Variants in CEP112 observed in about 807,000 individuals in gnomAD.
The protein encoded by CEP112 is centrosomal protein of 112 kDa.
Under a neutral mutation model 153.0 loss-of-function variants are expected in CEP112, and 127 were observed. The observed-to-expected ratio is 0.83, with a 90% CI of 0.72 to 0.96. The LOEUF is 0.96. Among genes scored for constraint, CEP112 ranks in the 40% least tolerant of loss-of-function variants. CEP112 has a pLI of 0.00. For synonymous variants in CEP112, 358 were observed against 374.4 expected, an observed-to-expected ratio of 0.96 and a Z score of 0.51; for missense variants, 1,089 against 1,101.2, an observed-to-expected ratio of 0.99 and a Z score of 0.16.
intron 19 of CEP112, among the ~76,000 whole-genome samples, chr17:65,926,173 A>C (rs12949261): frequency 0.011 from 1,716 of 152,238 alleles, 25 homozygotes; most frequent in Non-Finnish European, 0.017. Context: ...TACTCTGGCT[A>C]ACCTGGTCTT....
At chr17:65,663,000 T>C (rs2046470933) in intron 24 of CEP112, among the ~76,000 whole-genome samples, 1 of 152,214 alleles carries the variant, frequency 6.6e-6, no homozygotes, top group Non-Finnish European at 1.5e-5. Flanking sequence ...TCATTCCCTC[T>C]CTTTATCTTG....
intron 21 of CEP112, among the ~76,000 whole-genome samples, chr17:65,758,410 G>T (rs536994727): frequency 6.6e-6 from 1 of 152,074 alleles, no homozygotes; most frequent in African/African-American, 2.4e-5. Flanking sequence ...ATTAGAAAGG[G>T]GGAAAAATAC....
intron 6 of CEP112, among the ~76,000 whole-genome samples, chr17:66,109,992 C>T (rs1322854378): frequency 6.6e-6 from 1 of 152,150 alleles, no homozygotes; most frequent in Non-Finnish European, 1.5e-5. Flanking sequence ...AACCCCATCT[C>T]TACTAAAAAT....
intron 20 of CEP112, among the ~76,000 whole-genome samples, chr17:65,872,634 A>C (rs1432892122): frequency 6.6e-6 from 1 of 152,252 alleles, no homozygotes; most frequent in African/African-American, 2.4e-5. Context: ...CATGGACACC[A>C]ATAGATTTTC....
intron 24 of CEP112, among the ~76,000 whole-genome samples, chr17:65,653,346 A>G (rs1691103273): frequency 1.3e-5 from 2 of 152,218 alleles, no homozygotes; most frequent in South Asian, 4.1e-4. Context: ...ATTAAGGGAA[A>G]ATAACATATA....
chr17:65,640,137 C>CATATATATATAT (rs762352624), intron 25 of CEP112, among the ~76,000 whole-genome samples: 14 of 112,134 alleles, frequency 1.2e-4, no homozygotes, highest in African/African-American at 7.1e-4. Flanking sequence ...TGCACCCGAC[C>CATATATATATAT]ATATATATAT....
chr17:65,820,919 C>A (rs565139503), intron 21 of CEP112, among the ~76,000 whole-genome samples: 1 of 151,942 alleles, frequency 6.6e-6, no homozygotes, highest in Non-Finnish European at 1.5e-5. Flanking sequence ...TTCCATGACC[C>A]GGGGTTGCTT....
intron 24 of CEP112, among the ~76,000 whole-genome samples, chr17:65,653,114 C>T (rs866637995): frequency 2.1e-4 from 32 of 152,290 alleles, no homozygotes; most frequent in East Asian, 1.7e-3. Flanking sequence ...AGGCCACCTC[C>T]GAATACCATC....
intron 11 of CEP112, among the ~76,000 whole-genome samples, chr17:66,058,517 G>A (rs1568442892): frequency 6.6e-6 from 1 of 151,834 alleles, no homozygotes; most frequent in South Asian, 2.1e-4. Flanking sequence ...GATTCATATG[G>A]AACCAAAAAA....
intron 6 of CEP112, among the ~76,000 whole-genome samples, chr17:66,111,845 A>G (rs1472580492): frequency 1.3e-5 from 2 of 152,186 alleles, no homozygotes; most frequent in Non-Finnish European, 2.9e-5. Context: ...ATGTTTTAAA[A>G]AAGCATCAGT....
At chr17:66,098,336 T>C (rs192138695) in intron 6 of CEP112, among the ~76,000 whole-genome samples, 38 of 152,342 alleles carry the variant, frequency 2.5e-4, no homozygotes, top group Admixed American at 1.2e-3. Flanking sequence ...GTTTTTCTTT[T>C]AACATCCTGG....
At chr17:65,729,625 TA>T (rs2050382790) in intron 23 of CEP112, among the ~76,000 whole-genome samples, 1 of 152,160 alleles carries the variant, frequency 6.6e-6, no homozygotes, top group African/African-American at 2.4e-5. Flanking sequence ...TTTTTAAAAT[TA>T]AAAAACTAAA....
intron 20 of CEP112, among the ~76,000 whole-genome samples, chr17:65,865,199 G>A (rs1410149448): frequency 2.6e-5 from 4 of 151,796 alleles, no homozygotes; most frequent in African/African-American, 4.8e-5. Flanking sequence ...ATGCCACCAC[G>A]ACTGTCTAAT....
chr17:66,120,425 T>G (rs1435090422), intron 6 of CEP112, among the ~76,000 whole-genome samples: 1 of 152,144 alleles, frequency 6.6e-6, no homozygotes, highest in Admixed American at 6.5e-5. Flanking sequence ...GGTCTCGAAC[T>G]CCTGGCCTCA....
At chr17:65,894,573 A>G (rs1024699189) in intron 20 of CEP112, among the ~76,000 whole-genome samples, 1 of 152,120 alleles carries the variant, frequency 6.6e-6, no homozygotes, top group African/African-American at 2.4e-5. Flanking sequence ...GATCATATGT[A>G]ATATTCCAAA....
intron 17 of CEP112, among the ~76,000 whole-genome samples, chr17:65,988,687 G>A (rs926543110): frequency 6.6e-6 from 1 of 152,090 alleles, no homozygotes; most frequent in African/African-American, 2.4e-5. Context: ...GAAAGAACCT[G>A]TGAGCTTGAC....
intron 18 of CEP112, among the ~76,000 whole-genome samples, chr17:65,939,226 GAA>G (rs1227300961): frequency 6.6e-6 from 1 of 152,008 alleles, no homozygotes. Context: ...AAACACCAAT[GAA>G]AAAAATTAAG....
intron 17 of CEP112, among the ~76,000 whole-genome samples, chr17:65,997,919 C>T (rs981929062): frequency 3.9e-5 from 6 of 151,946 alleles, no homozygotes; most frequent in African/African-American, 1.5e-4. Context: ...CTACAATATG[C>T]CAAAGCACAT....
At chr17:65,928,341 G>A (rs901581914) in intron 18 of CEP112, among the ~76,000 whole-genome samples, 3 of 152,150 alleles carry the variant, frequency 2.0e-5, no homozygotes, top group Non-Finnish European at 4.4e-5. Flanking sequence ...ATATAAAATG[G>A]TATAGACATG....
Sources: gnomAD v4.1 joint callset for allele counts (sites outside exome capture counted in the v4.1 genomes callset) on GRCh38, gnomAD v4.1.1 for gene constraint, MANE v1.5 for transcripts, NCBI Gene and HGNC (gene_info 2026-07-23, HGNC 2026-07-21) for gene names.